Variants in C21orf91 observed in about 807,000 individuals in gnomAD.
C21orf91 encodes protein EURL homolog.
In C21orf91, 26 loss-of-function variants were observed where a neutral mutation model predicts 32.9. That is an observed-to-expected ratio of 0.79 (90% CI 0.58 to 1.10). The LOEUF is 1.10. C21orf91 is among the 50% of genes least tolerant of loss of function. The pLI, the probability that C21orf91 is intolerant of heterozygous loss-of-function variation, is 0.00. For synonymous variants in C21orf91, 126 were observed against 120.4 expected (o/e 1.05, Z -0.31); for missense variants, 310 against 341.3 (o/e 0.91, Z 0.72).
chr21:17,802,825 C>T (rs1477336606), intron 2 of C21orf91, among the ~76,000 whole-genome samples: 1 of 152,158 alleles, frequency 6.6e-6, no homozygotes, highest in African/African-American at 2.4e-5. Context: ...TCATCTGACT[C>T]CCTCACACTT....
Position 17,795,220 on chromosome 21 carries a change from G to A in C21orf91, c.715C>T (p.Gln239Ter). Residue 239 changes from glutamine (Q) to a stop codon, truncating the protein, a stop_gained, in exon 4 of 5, where the codon CAG becomes TAG. Transcript: ENST00000284881. LOFTEE classifies it high-confidence loss of function. ...EVEQLNAKLLQQIQEVFEELT... is the reference protein window; with the variant it reads ...EVEQLNAKLL ...CAGTGATTCTTACCCTGGATTTGCT[G>A]TAGGAGCTTTGCATTCAGTTGCTCT... 6.2e-7 allele frequency: 1 copy of A among 1,609,348 alleles called. No individual in the cohort carries two copies. Among genetic ancestry groups the A allele is most frequent in the Non-Finnish European group, 8.5e-7 (1 of 1,175,910 alleles).
At chr21:17,794,903 T>A (rs769854312) in intron 4 of C21orf91, among the ~76,000 whole-genome samples, 1 of 144,592 alleles carries the variant, frequency 6.9e-6, no homozygotes, top group Non-Finnish European at 1.5e-5. Context: ...CCCCTCCCTA[T>A]AAAAAATAGA....
At chr21:17,813,890 T>C (rs2062648808) in intron 2 of C21orf91, 1 of 152,186 alleles carries the variant, frequency 6.6e-6, no homozygotes, top group Admixed American at 6.5e-5. Flanking sequence ...TAATCTCAGC[T>C]TCCTGGGAGA....
At chr21:17,807,874 G>A (rs1568754472) in intron 2 of C21orf91, among the ~76,000 whole-genome samples, 1 of 152,116 alleles carries the variant, frequency 6.6e-6, no homozygotes, top group East Asian at 1.9e-4. Flanking sequence ...AACAGAGTAT[G>A]GTCATATATG....
intron 2 of C21orf91, among the ~76,000 whole-genome samples, chr21:17,798,837 A>G (rs769719081): frequency 3.3e-5 from 5 of 152,218 alleles, no homozygotes; most frequent in Admixed American, 2.0e-4. Flanking sequence ...CAAGTTATAC[A>G]CCAAAGGAAA....
chr21:17,814,057 G>A (rs1217909482), intron 2 of C21orf91: 1 of 152,122 alleles, frequency 6.6e-6, no homozygotes. Context: ...CCAATTATAG[G>A]AAGAGAGAAA....
Position 17,796,604 on chromosome 21 carries a change from A to C in C21orf91, c.642T>G (p.His214Gln). Residue 214 changes from histidine (H) to glutamine (Q), a missense_variant, in exon 3 of 5, where the codon CAT (histidine) becomes CAG (glutamine). By Grantham distance (24) the His-to-Gln change is conservative (BLOSUM62 0). Transcript: ENST00000284881. Reference sequence around the variant, plus strand: ...TACATTCCTCTCTGCTGTAATGTGGATGCTGGGTCTGGACATTAGCCTCTG... The same window carrying C: ...TACATTCCTCTCTGCTGTAATGTGGCTGCTGGGTCTGGACATTAGCCTCTG... ...SSPEANVQTQHPHYSREELNS... is the reference protein window; with the variant it reads ...SSPEANVQTQQPHYSREELNS... 2.5e-6 allele frequency: 4 copies of C among 1,612,716 alleles called. No homozygotes were observed. The highest frequency in any genetic ancestry group is 3.4e-6 in the Non-Finnish European group (4 of 1,179,192).
At chr21:17,797,163 T>C (rs147365430) in intron 2 of C21orf91, 45 bp from the exon 3 acceptor site, 3 of 1,277,624 alleles carry the variant, frequency 2.3e-6, no homozygotes, top group South Asian at 2.9e-5. Context: ...AATTTTGTTT[T>C]CTATAAGTCA....
At chr21:17,817,982 G>T in intron 2 of C21orf91, 1 of 380,114 alleles carries the variant, frequency 2.6e-6, no homozygotes, top group South Asian at 8.7e-5. Context: ...GTTGTTGCAG[G>T]GGTCTTTAAA....
chr21:17,790,980 A>G lies in C21orf91; in HGVS notation c.*2435T>C, dbSNP rs570223026. The stretch of plus-strand genomic sequence containing the variant: ...CACTTTTTAAACAGTAGTACATGAG[A>G]TATGCTTCAAAACATTCTCAAAAAT... On this transcript the variant is annotated 3_prime_UTR_variant, in exon 5 of 5. Coordinates refer to ENST00000284881, the MANE Select transcript of C21orf91 (RefSeq NM_001100420.2). 1 of 152,214 alleles carries G rather than the reference A, an allele frequency of 6.6e-6. No homozygotes were observed. The highest frequency in any genetic ancestry group is 6.5e-5 in the Admixed American group (1 of 15,288). 9.4% of individuals were successfully genotyped at this position (152,214 alleles called of 1,614,324 possible).
chr21:17,802,765 G>A (rs1215466962), intron 2 of C21orf91, among the ~76,000 whole-genome samples: 3 of 152,326 alleles, frequency 2.0e-5, no homozygotes, highest in Non-Finnish European at 4.4e-5. Flanking sequence ...TCTCTCAGCT[G>A]TCTATGCTGA....
rs779914171 is a variant in C21orf91 at position 17,796,673 on chromosome 21, A to G, written c.573T>C (p.His191=). ...CTTTTTTCTGTGCCTGGTTGTGACTATGAGGCCACAATACACTGTTACGAC... is the reference window on the plus strand; with the variant it reads ...CTTTTTTCTGTGCCTGGTTGTGACTGTGAGGCCACAATACACTGTTACGAC... ...TLCRNSVLWP[H]SHNQAQKKEE... Residue 191 remains histidine (H), a synonymous_variant, in exon 3 of 5, where the codon CAT becomes CAC. Coordinates refer to ENST00000284881, the MANE Select transcript of C21orf91 (RefSeq NM_001100420.2). 2.1e-5 allele frequency: 34 copies of G among 1,613,516 alleles called. No individual in the cohort carries two copies. The highest frequency in any genetic ancestry group is 4.0e-5 in the African/African-American group (3 of 74,900).
rs75487540 is a variant in C21orf91 at position 17,794,253 on chromosome 21, TAAC to T, written c.728-675_728-673del. ...GGATGCATGATCTCTGTAAGCAACT[TAAC>T]ATCTCTGAAGTACAATTTTCTCATC... is the stretch of plus-strand genomic sequence containing the variant. On this transcript the variant is annotated intron_variant, in intron 4 of 4. Transcript: ENST00000284881. Among the ~76,000 whole-genome samples, 4 of 152,194 alleles carry T rather than the reference TAAC, an allele frequency of 2.6e-5. No individual in the cohort carries two copies. The East Asian group carries it at 7.7e-4, about 29-fold the overall frequency.
In C21orf91 at chr21:17,791,503, A is replaced by G. The variant is rs1315010131; in HGVS notation, c.*1912T>C. The G allele has an allele frequency of 6.6e-6, 1 of 152,168 alleles. No individual in the cohort carries two copies. Among genetic ancestry groups the G allele is most frequent in the African/African-American group, 2.4e-5 (1 of 41,464 alleles). 9.4% of individuals were successfully genotyped at this position (152,168 alleles called of 1,614,324 possible). A position where few individuals can be genotyped will look rare whatever the true frequency, so the allele number is the denominator to read the frequency against. ...TATGCTACTATTGATATCAAATGCAACATATCCCCAACTTTTATGACTGTC... is the reference window on the plus strand; with the variant it reads ...TATGCTACTATTGATATCAAATGCAGCATATCCCCAACTTTTATGACTGTC... On this transcript the variant is annotated 3_prime_UTR_variant, in exon 5 of 5. Coordinates refer to ENST00000284881, the MANE Select transcript of C21orf91 (RefSeq NM_001100420.2).
chr21:17,808,150 T>C (rs1016573736), intron 2 of C21orf91, among the ~76,000 whole-genome samples: 1 of 152,226 alleles, frequency 6.6e-6, no homozygotes, highest in Admixed American at 6.5e-5. Context: ...CCCAGGGCCC[T>C]GCTGCCCTGC....
intron 2 of C21orf91, among the ~76,000 whole-genome samples, chr21:17,805,781 C>T (rs2062590131): frequency 6.6e-6 from 1 of 152,198 alleles, no homozygotes; most frequent in Non-Finnish European, 1.5e-5. Flanking sequence ...TAACCCTCTA[C>T]TTGTTCCATA....
chr21:17,807,881 T>A (rs939897467), intron 2 of C21orf91, among the ~76,000 whole-genome samples: 3 of 152,210 alleles, frequency 2.0e-5, no homozygotes, highest in African/African-American at 7.2e-5. Context: ...TATGGTCATA[T>A]ATGTGAACAA....
chr21:17,808,714 G>A (rs1600885974), intron 2 of C21orf91, among the ~76,000 whole-genome samples: 1 of 152,206 alleles, frequency 6.6e-6, no homozygotes, highest in Non-Finnish European at 1.5e-5. Context: ...GGACTTTTGA[G>A]TTAATGCTAA....
intron 2 of C21orf91, among the ~76,000 whole-genome samples, chr21:17,813,695 A>C (rs745406773): frequency 6.6e-6 from 1 of 152,254 alleles, no homozygotes; most frequent in Non-Finnish European, 1.5e-5. Context: ...TATTATACTT[A>C]CTGGTTGAGC....
Sources: allele counts gnomAD v4.1 joint callset (sites outside exome capture counted in the v4.1 genomes callset), GRCh38; gene constraint gnomAD v4.1.1; transcripts MANE v1.5; gene names NCBI Gene and HGNC (gene_info 2026-07-23, HGNC 2026-07-21).